AP3D1: variants seen among roughly 807,000 people sequenced by gnomAD.
AP3D1 encodes AP-3 complex subunit delta-1.
In AP3D1, 51 loss-of-function variants were observed where a neutral mutation model predicts 147.6. That is an observed-to-expected ratio of 0.35 (90% CI 0.28 to 0.44). The LOEUF (loss-of-function observed/expected upper bound fraction) is 0.44, where lower values mean the gene tolerates loss of function less well. Among genes scored for constraint, AP3D1 ranks in the 20% least tolerant of loss-of-function variants. The pLI is 1.00. For synonymous variants in AP3D1, 760 were observed against 663.0 expected, an observed-to-expected ratio of 1.15 and a Z score of -2.25; for missense variants, 1,421 against 1,624.2, an observed-to-expected ratio of 0.87 and a Z score of 2.15.
At chr19:2,106,373 AC>A (rs1465531105) in intron 31 of AP3D1, among the ~76,000 whole-genome samples, 1 of 151,912 alleles carries the variant, frequency 6.6e-6, no homozygotes, top group Admixed American at 6.6e-5. Context: ...ACCTGGCAAA[AC>A]CCCATCTCTA....
intron 18 of AP3D1, among the ~76,000 whole-genome samples, chr19:2,115,830 C>A (rs2018431959): frequency 6.6e-6 from 1 of 152,246 alleles, no homozygotes; most frequent in Non-Finnish European, 1.5e-5. Flanking sequence ...CACGAGTGAC[C>A]CCACAGGCCT....
intron 8 of AP3D1, among the ~76,000 whole-genome samples, chr19:2,127,923 CAGG>C (rs2018804097): frequency 6.6e-6 from 1 of 152,226 alleles, no homozygotes; most frequent in South Asian, 2.1e-4. Context: ...GGGCCGCAGC[CAGG>C]AGAATGGCCA....
rs757804607 is a variant in AP3D1 at position 2,111,811 on chromosome 19, C to T, written c.2805G>A (p.Lys935=). 6.2e-7 allele frequency: 1 copy of T among 1,613,960 alleles called. No individual in the cohort carries two copies. The highest frequency in any genetic ancestry group is 2.2e-5 in the East Asian group (1 of 44,878). The change falls in exon 25 of 32, where the codon AAG becomes AAA. Residue 935 remains lysine (K), a synonymous_variant. Transcript: ENST00000643116. ...CCTTCTCCTTCCTGTGCTTCTTCTTCTTAGGCTTGGGAGATTTCTGGAGCA... is the reference window on the plus strand; with the variant it reads ...CCTTCTCCTTCCTGTGCTTCTTCTTTTTAGGCTTGGGAGATTTCTGGAGCA... ...QDQDKKSPKP[K]KKKHRKEKEE...
At chr19:2,125,849 A>G (rs1002693622) in intron 9 of AP3D1, among the ~76,000 whole-genome samples, 4 of 151,936 alleles carry the variant, frequency 2.6e-5, no homozygotes, top group African/African-American at 7.2e-5. Flanking sequence ...AAAAAAAACA[A>G]AAGAGATGGG....
chr19:2,150,668 G>C (rs931895063), intron 1 of AP3D1, among the ~76,000 whole-genome samples: 2 of 152,162 alleles, frequency 1.3e-5, no homozygotes, highest in Admixed American at 1.3e-4. Flanking sequence ...AGGCCTCAGG[G>C]AGCGACCTGG....
chr19:2,102,318 G>C lies in AP3D1; in HGVS notation c.3553-50C>G, dbSNP rs1309597237. On this transcript the variant is annotated intron_variant, in intron 31 of 31. Coordinates refer to ENST00000643116, the MANE Select transcript of AP3D1 (RefSeq NM_001261826.3). ...TTTTAAAAGTGTGTGCAGGGGCTAG[G>C]CACGGTGGCTCAAGTCTGTGATCCC... 2.0e-6 allele frequency: 3 copies of C among 1,503,206 alleles called. No homozygotes were observed. The African/African-American group carries it at 4.1e-5, about 21-fold the overall frequency. The allele number at this position is 1,503,206 out of a possible 1,614,324, so 93.1% of individuals were successfully genotyped here.
At chr19:2,140,328 G>A (rs1034315790) in intron 1 of AP3D1, among the ~76,000 whole-genome samples, 1 of 152,090 alleles carries the variant, frequency 6.6e-6, no homozygotes, top group Admixed American at 6.6e-5. Context: ...TGCACCCGAG[G>A]GGATGGAAAA....
chr19:2,145,604 C>G (rs897339203), intron 1 of AP3D1, among the ~76,000 whole-genome samples: 1 of 152,192 alleles, frequency 6.6e-6, no homozygotes, highest in Non-Finnish European at 1.5e-5. Context: ...CCAGAGCACA[C>G]CCAGGGCTGG....
At chr19:2,111,517 A>C (rs535762707) in intron 25 of AP3D1, 162 bp downstream of exon 25, 3 of 1,204,952 alleles carry the variant, frequency 2.5e-6, no homozygotes, top group East Asian at 2.6e-5. Context: ...GGGGGTGCCT[A>C]ATGTGGGGCT....
chr19:2,114,036 C>T, intron 22 of AP3D1, 89 bp downstream of exon 22: 1 of 1,473,788 alleles, frequency 6.8e-7, no homozygotes. Context: ...AGACTCACAG[C>T]CATTTCCCCT....
At chr19:2,121,656 C>A in intron 12 of AP3D1, 78 bp downstream of exon 12, 1 of 1,502,016 alleles carries the variant, frequency 6.7e-7, no homozygotes. Flanking sequence ...ATGCATTCCA[C>A]GTGGCTCTGC....
chr19:2,159,039 A>G (rs573055976), intron 1 of AP3D1, among the ~76,000 whole-genome samples: 2 of 152,116 alleles, frequency 1.3e-5, no homozygotes. Flanking sequence ...TCACCAGGCT[A>G]GAGTGCAGTG....
Position 2,113,323 on chromosome 19 carries a change from G to A in AP3D1, c.2679+13C>T. 8.9e-7 allele frequency: 1 copy of A among 1,117,846 alleles called. No individual in the cohort carries two copies. Among genetic ancestry groups the A allele is most frequent in the Non-Finnish European group, 1.2e-6 (1 of 842,428 alleles). 69.2% of individuals were successfully genotyped at this position (1,117,846 alleles called of 1,614,324 possible). On this transcript the variant is annotated intron_variant, in intron 23 of 31. Coordinates refer to ENST00000643116, the MANE Select transcript of AP3D1 (RefSeq NM_001261826.3). ...ACACCGAGGCTGGCACTGGCCAGCTGCCAGTCTCTTACCGTGGATGGAACG... is the reference window on the plus strand; with the variant it reads ...ACACCGAGGCTGGCACTGGCCAGCTACCAGTCTCTTACCGTGGATGGAACG...
chr19:2,141,483 G>T (rs1453030743), intron 1 of AP3D1, among the ~76,000 whole-genome samples: 2 of 148,372 alleles, frequency 1.3e-5, no homozygotes, highest in African/African-American at 5.0e-5. Flanking sequence ...CACCAGGCTG[G>T]AGTGCAGTGG....
chr19:2,151,940 T>C (rs1346858132), upstream of AP3D1, among the ~76,000 whole-genome samples: 1 of 152,212 alleles, frequency 6.6e-6, no homozygotes, highest in Non-Finnish European at 1.5e-5. Context: ...GAGCTCCGCC[T>C]TTCCTGAATG....
Position 2,122,292 on chromosome 19 carries a change from G to C in AP3D1, c.956-413C>G, listed in dbSNP as rs564173056. Among the ~76,000 whole-genome samples, 3 of 152,342 alleles carry C rather than the reference G, an allele frequency of 2.0e-5. No individual in the cohort carries two copies. In the South Asian group the frequency reaches 6.2e-4, roughly 32 times the overall value. On this transcript the variant is annotated intron_variant, in intron 11 of 31. Transcript: ENST00000643116. The stretch of plus-strand genomic sequence containing the variant: ...CTGTTCACCCGACTAGCCCAAACCA[G>C]CTCACGGACAGCTAAGGGTGGCTGG...
chr19:2,131,863 G>T (rs945015081), intron 5 of AP3D1, among the ~76,000 whole-genome samples: 2 of 150,526 alleles, frequency 1.3e-5, no homozygotes, highest in South Asian at 2.1e-4. Flanking sequence ...CATCGGCCAC[G>T]ATCTAGACAC....
intron 17 of AP3D1, 90 bp from the exon 18 acceptor site, chr19:2,116,368 C>T (rs1482200270): frequency 4.6e-5 from 64 of 1,405,266 alleles, no homozygotes; most frequent in Non-Finnish European, 5.9e-5. Flanking sequence ...CTGGGGAAGG[C>T]TGGATCTCTG....
rs199976556 is a variant in AP3D1, at chr19:2,111,799, G to T, written c.2817C>A (p.His939Gln). The change falls in exon 25 of 32, where the codon CAC (histidine) becomes CAA (glutamine). Residue 939 changes from histidine (H) to glutamine (Q), a missense_variant. Coordinates refer to ENST00000643116, the MANE Select transcript of AP3D1 (RefSeq NM_001261826.3). ...KKSPKPKKKK[H>Q]RKEKEERTKG... is the part of the protein sequence containing the mutation. ...TGGTCCGCTCCTCCTTCTCCTTCCT[G>T]TGCTTCTTCTTCTTAGGCTTGGGAG... 6.2e-6 allele frequency: 10 copies of T among 1,613,960 alleles called. No homozygotes were observed. The highest frequency in any genetic ancestry group is 8.5e-6 in the Non-Finnish European group (10 of 1,179,968).
Sources: gnomAD v4.1 joint callset for allele counts (sites outside exome capture counted in the v4.1 genomes callset) on GRCh38, gnomAD v4.1.1 for gene constraint, MANE v1.5 for transcripts, NCBI Gene and HGNC (gene_info 2026-07-23, HGNC 2026-07-21) for gene names.